GALNT13: variants seen among roughly 807,000 people sequenced by gnomAD.
The protein encoded by GALNT13 is polypeptide N-acetylgalactosaminyltransferase 13, also known as UDP-GalNAc:polypeptide N-acetylgalactosaminyltransferase 13.
A neutral mutation model predicts 64.2 loss-of-function variants in GALNT13; 28 were observed. The observed-to-expected ratio is 0.44, with a 90% confidence interval of 0.32 to 0.60. The LOEUF (loss-of-function observed/expected upper bound fraction) is 0.60. GALNT13 is among the 20% of genes least tolerant of loss of function. The pLI, the probability that GALNT13 is intolerant of heterozygous loss-of-function variation, is 0.05. For missense variants in GALNT13, 577 were observed against 669.8 expected (o/e 0.86, Z 1.53); for synonymous variants, 214 against 224.6 (o/e 0.95, Z 0.42).
chr2:153,213,056 G>A, the GALNT13 span, among the ~76,000 whole-genome samples: 4 of 152,340 alleles, frequency 2.6e-5, no homozygotes, highest in South Asian at 8.3e-4. Flanking sequence ...GTCAACAGGT[G>A]TGTATCGAGT....
chr2:154,081,558 G>A (rs538950304), intron 3 of GALNT13, among the ~76,000 whole-genome samples: 2 of 151,564 alleles, frequency 1.3e-5, no homozygotes, highest in Non-Finnish European at 3.0e-5. Flanking sequence ...TTCCACAGAT[G>A]CTCTTACCCA....
At chr2:154,298,708 T>A (rs1199742719) in intron 8 of GALNT13, among the ~76,000 whole-genome samples, 13 of 108,664 alleles carry the variant, frequency 1.2e-4, no homozygotes, top group South Asian at 5.5e-4. Flanking sequence ...GTATATACAA[T>A]TTATATATAA....
chr2:153,778,581 T>G, the GALNT13 span, among the ~76,000 whole-genome samples: 1 of 152,348 alleles, frequency 6.6e-6, no homozygotes, highest in South Asian at 2.1e-4. Context: ...ACATCTTTTA[T>G]GTAACCTACT....
chr2:154,015,902 C>G (rs1574334513), intron 3 of GALNT13, among the ~76,000 whole-genome samples: 1 of 152,034 alleles, frequency 6.6e-6, no homozygotes, highest in Non-Finnish European at 1.5e-5. Flanking sequence ...TGACTGTAAT[C>G]ACTTGAAAGG....
At chr2:153,708,249 A>G in the GALNT13 span, among the ~76,000 whole-genome samples, 1 of 152,284 alleles carries the variant, frequency 6.6e-6, no homozygotes, top group Non-Finnish European at 1.5e-5. Flanking sequence ...AAAAGTCTGG[A>G]AAATGATAAT....
chr2:154,280,727 G>C (rs376311560), intron 8 of GALNT13, among the ~76,000 whole-genome samples: 55 of 152,302 alleles, frequency 3.6e-4, no homozygotes, highest in African/African-American at 1.1e-3. Flanking sequence ...AAGGGGACTG[G>C]TTTGGCATGA....
the GALNT13 span, among the ~76,000 whole-genome samples, chr2:153,632,127 G>GT: frequency 6.6e-6 from 1 of 152,090 alleles, no homozygotes; most frequent in African/African-American, 2.4e-5. Flanking sequence ...TTCCAGATAT[G>GT]TTTTTCCTGC....
At chr2:153,645,071 T>C in the GALNT13 span, among the ~76,000 whole-genome samples, 1 of 152,120 alleles carries the variant, frequency 6.6e-6, no homozygotes, top group Admixed American at 6.6e-5. Context: ...TCCTCACTAT[T>C]GTGAAACATT....
At chr2:153,940,079 G>T (rs575186894) in intron 2 of GALNT13, among the ~76,000 whole-genome samples, 92 of 151,664 alleles carry the variant, frequency 6.1e-4, no homozygotes, top group African/African-American at 1.8e-3. Context: ...TTTTGTTGTT[G>T]TTTTTTTCAG....
At chr2:153,528,532 A>G in the GALNT13 span, among the ~76,000 whole-genome samples, 1 of 152,012 alleles carries the variant, frequency 6.6e-6, no homozygotes, top group Non-Finnish European at 1.5e-5. Context: ...AGAAAATCAA[A>G]GAAACATTGG....
intron 3 of GALNT13, among the ~76,000 whole-genome samples, chr2:153,949,445 G>C (rs1692008708): frequency 6.6e-6 from 1 of 151,812 alleles, no homozygotes. Context: ...GAAAACTGAG[G>C]TGGGAGGATT....
At chr2:154,402,868 G>C (rs1227666018) in intron 10 of GALNT13, among the ~76,000 whole-genome samples, 1 of 152,078 alleles carries the variant, frequency 6.6e-6, no homozygotes. Context: ...GAAAAGTTCT[G>C]ATTTTAAAAT....
At chr2:153,628,354 T>C in the GALNT13 span, among the ~76,000 whole-genome samples, 3 of 152,102 alleles carry the variant, frequency 2.0e-5, no homozygotes, top group East Asian at 1.9e-4. Flanking sequence ...TCCTGCCGAA[T>C]TGCCCTGGCT....
At chr2:153,292,735 C>T in the GALNT13 span, among the ~76,000 whole-genome samples, 1 of 151,960 alleles carries the variant, frequency 6.6e-6, no homozygotes, top group Admixed American at 6.6e-5. Context: ...TTGGGCAGTT[C>T]ATAACAAGTC....
chr2:153,385,685 A>G, the GALNT13 span, among the ~76,000 whole-genome samples: 2 of 152,056 alleles, frequency 1.3e-5, no homozygotes, highest in Non-Finnish European at 2.9e-5. Context: ...ATTTAATTGT[A>G]CATTTAAAAA....
At chr2:153,905,358 T>G (rs1035951242) in intron 2 of GALNT13, among the ~76,000 whole-genome samples, 1 of 151,966 alleles carries the variant, frequency 6.6e-6, no homozygotes, top group South Asian at 2.1e-4. Flanking sequence ...GTACTAAACC[T>G]TATATATAGA....
the GALNT13 span, among the ~76,000 whole-genome samples, chr2:153,458,008 A>G: frequency 5.9e-5 from 9 of 152,286 alleles, no homozygotes; most frequent in African/African-American, 1.4e-4. Context: ...ACATTGTTCA[A>G]TTACAAACGG....
the GALNT13 span, among the ~76,000 whole-genome samples, chr2:153,295,387 A>C: frequency 2.0e-5 from 3 of 152,152 alleles, no homozygotes; most frequent in Non-Finnish European, 4.4e-5. Flanking sequence ...ATCTCACATT[A>C]CAGTCTTAGT....
the GALNT13 span, among the ~76,000 whole-genome samples, chr2:153,168,241 A>C: frequency 6.6e-6 from 1 of 152,212 alleles, no homozygotes. Context: ...AACAGAGACT[A>C]TTTCTAAATT....
Sources: gnomAD v4.1 joint callset for allele counts (sites outside exome capture counted in the v4.1 genomes callset) on GRCh38, gnomAD v4.1.1 for gene constraint, MANE v1.5 for transcripts, NCBI Gene and HGNC (gene_info 2026-07-23, HGNC 2026-07-21) for gene names.